SETD2: variants seen among roughly 807,000 people sequenced by gnomAD.
SETD2 encodes the protein SET domain containing 2, histone lysine methyltransferase.
A neutral mutation model predicts 242.1 loss-of-function variants in SETD2; 31 were observed. The observed-to-expected ratio is 0.13, with a 90% CI of 0.10 to 0.17. The LOEUF is 0.17. Ranked by LOEUF, SETD2 falls within the 10% of genes least tolerant of loss-of-function variation. The probability of loss-of-function intolerance (pLI) is 1.00; values close to 1 mark genes in which losing one functional copy is unlikely to be tolerated. For synonymous variants in SETD2, 1,006 were observed against 1,066.5 expected (o/e 0.94, Z 1.11); for missense variants, 2,481 against 3,046.3 (o/e 0.81, Z 4.37).
intron 16 of SETD2, among the ~76,000 whole-genome samples, chr3:47,044,908 G>T (rs1331836749): frequency 6.6e-6 from 1 of 152,066 alleles, no homozygotes; most frequent in Non-Finnish European, 1.5e-5. Flanking sequence ...CATGTTCAAA[G>T]GAAATGCTTA....
intron 5 of SETD2, among the ~76,000 whole-genome samples, chr3:47,111,122 G>T (rs1348348269): frequency 7.2e-6 from 1 of 138,378 alleles, no homozygotes; most frequent in African/African-American, 2.7e-5. Flanking sequence ...TCTCAAGAAG[G>T]CCTGGCTGGC....
At position 47,120,883 on chromosome 3, in the gene SETD2, T is replaced by C. The variant is rs758824937; in HGVS notation, c.3753A>G (p.Ser1251=). 1.9e-6 allele frequency: 3 copies of C among 1,614,106 alleles called. No homozygotes were observed. Among genetic ancestry groups the C allele is most frequent in the Non-Finnish European group, 1.7e-6 (2 of 1,180,042 alleles). Residue 1251 remains serine (S), a synonymous_variant, in exon 3 of 21, where the codon TCA becomes TCG. Transcript: ENST00000409792. ...AACCTAAGTTTCTGAGCTCTTCTGA[T>C]GAGTGCAAGCCATCCACATGTGGTA... ...CEIPHVDGLH[S]SEELRNLGWD...
At chr3:47,145,705 C>CT (rs2043834940) in intron 1 of SETD2, among the ~76,000 whole-genome samples, 1 of 152,094 alleles carries the variant, frequency 6.6e-6, no homozygotes, top group African/African-American at 2.4e-5. Flanking sequence ...AGTTTAAGAA[C>CT]TATATAACCT....
At chr3:47,055,270 T>C (rs2040006211) in intron 15 of SETD2, among the ~76,000 whole-genome samples, 2 of 152,250 alleles carry the variant, frequency 1.3e-5, no homozygotes, top group Admixed American at 1.3e-4. Context: ...TACTGTTTAA[T>C]ACTAAGTATT....
intron 18 of SETD2, among the ~76,000 whole-genome samples, chr3:47,028,366 C>A (rs1197580268): frequency 1.3e-5 from 2 of 152,168 alleles, no homozygotes; most frequent in African/African-American, 2.4e-5. Flanking sequence ...GCTAACAATT[C>A]TCAGAGCTCA....
intron 12 of SETD2, among the ~76,000 whole-genome samples, chr3:47,067,603 TGGGG>T (rs2040618470): frequency 6.6e-6 from 1 of 151,684 alleles, no homozygotes; most frequent in Non-Finnish European, 1.5e-5. Context: ...TTTGTAGAGA[TGGGG>T]TTTTATCACA....
chr3:47,086,433 A>C lies in SETD2; in HGVS notation c.5278-119T>G, dbSNP rs954641212. 7 of 898,322 alleles carry C rather than the reference A, an allele frequency of 7.8e-6. No individual in the cohort carries two copies. In the African/African-American group the frequency reaches 8.5e-5, roughly 11 times the overall value. The allele number at this position is 898,322 out of a possible 1,614,324, so 55.6% of individuals were successfully genotyped here. ...CATTATAGGGTTCACTTACATTCACAAAAAAAACCTAGAAACTCTGTTTTC... is the reference window on the plus strand; with the variant it reads ...CATTATAGGGTTCACTTACATTCACCAAAAAAACCTAGAAACTCTGTTTTC... On this transcript the variant is annotated intron_variant, in intron 10 of 20. Coordinates refer to ENST00000409792, the MANE Select transcript of SETD2 (RefSeq NM_014159.7).
At chr3:47,039,703 C>T (rs1381575810) in intron 17 of SETD2, among the ~76,000 whole-genome samples, 20 of 67,794 alleles carry the variant, frequency 3.0e-4, no homozygotes, top group African/African-American at 5.4e-4. Context: ...CTGTCTCTAC[C>T]GAAAATACAA....
chr3:47,030,131 AGAGT>A (rs1457091864), intron 18 of SETD2, among the ~76,000 whole-genome samples: 2 of 152,164 alleles, frequency 1.3e-5, no homozygotes, highest in African/African-American at 2.4e-5. Flanking sequence ...CCTGGGCAAC[AGAGT>A]GAGACCCTGT....
intron 5 of SETD2, among the ~76,000 whole-genome samples, chr3:47,109,163 A>G (rs2042554946): frequency 6.6e-6 from 1 of 152,196 alleles, no homozygotes; most frequent in African/African-American, 2.4e-5. Flanking sequence ...TTAGGGGTTA[A>G]GGGTAACGTC....
intron 12 of SETD2, chr3:47,081,192 G>T: frequency 1.8e-6 from 1 of 549,504 alleles, no homozygotes; most frequent in Non-Finnish European, 2.3e-6. Context: ...TTCATTTACT[G>T]ATGATTCCTA....
At chr3:47,089,598 G>A (rs985904030) in intron 9 of SETD2, among the ~76,000 whole-genome samples, 2 of 151,756 alleles carry the variant, frequency 1.3e-5, no homozygotes, top group South Asian at 2.1e-4. Context: ...TGTAAATAAC[G>A]GGGGGTGGGA....
Position 47,062,149 on chromosome 3 carries a change from C to A in SETD2, c.6293+14G>T, listed in dbSNP as rs2040360112. 6.2e-7 allele frequency: 1 copy of A among 1,603,338 alleles called. No individual in the cohort carries two copies. Among genetic ancestry groups the A allele is most frequent in the South Asian group, 1.1e-5 (1 of 89,112 alleles). ...ACAAAAACAAAAACAAAAAAACTCA[C>A]ACAGGCCACTTACCTGTCATCTGGC... On this transcript the variant is annotated intron_variant, in intron 14 of 20. Transcript: ENST00000409792.
intron 1 of SETD2, among the ~76,000 whole-genome samples, chr3:47,149,648 C>G (rs1474534722): frequency 1.3e-5 from 2 of 152,120 alleles, no homozygotes; most frequent in African/African-American, 4.8e-5. Flanking sequence ...CTGGGCTGCC[C>G]TCCCTGATTG....
intron 13 of SETD2, among the ~76,000 whole-genome samples, chr3:47,063,427 T>C (rs771468614): frequency 6.6e-6 from 1 of 152,082 alleles, no homozygotes; most frequent in Non-Finnish European, 1.5e-5. Context: ...CAATGAGCTC[T>C]GTTTACACCA....
chr3:47,026,451 T>C (rs1350622471), intron 18 of SETD2, among the ~76,000 whole-genome samples: 1 of 152,248 alleles, frequency 6.6e-6, no homozygotes. Flanking sequence ...ATCCCATTAC[T>C]GGGTATATAC....
intron 8 of SETD2, among the ~76,000 whole-genome samples, chr3:47,100,960 A>G (rs1242811776): frequency 6.7e-6 from 1 of 148,672 alleles, no homozygotes; most frequent in Admixed American, 6.8e-5. Context: ...CAGTGAGCCA[A>G]GATCACGCCA....
intron 1 of SETD2, among the ~76,000 whole-genome samples, chr3:47,162,457 G>A (rs968250703): frequency 2.0e-5 from 3 of 152,126 alleles, no homozygotes; most frequent in African/African-American, 7.2e-5. Flanking sequence ...AAAGGAAAAA[G>A]CCATGTTAAC....
At chr3:47,115,854 C>A (rs1364202936) in intron 4 of SETD2, among the ~76,000 whole-genome samples, 1 of 152,118 alleles carries the variant, frequency 6.6e-6, no homozygotes, top group Non-Finnish European at 1.5e-5. Flanking sequence ...CCATGTTGGC[C>A]AGGCTGATCC....
Sources: gnomAD v4.1 joint callset for allele counts (sites outside exome capture counted in the v4.1 genomes callset) on GRCh38, gnomAD v4.1.1 for gene constraint, MANE v1.5 for transcripts, NCBI Gene and HGNC (gene_info 2026-07-23, HGNC 2026-07-21) for gene names.